UTP20: variants seen among roughly 807,000 people sequenced by gnomAD.
UTP20 encodes small subunit processome component 20 homolog.
Under a neutral mutation model 329.5 loss-of-function variants are expected in UTP20, and 164 were observed. That is an observed-to-expected ratio of 0.50 (90% CI 0.44 to 0.57). UTP20 has a LOEUF of 0.57. Ranked by LOEUF, UTP20 falls within the 20% of genes least tolerant of loss-of-function variation. UTP20 has a pLI of 0.00. For missense variants in UTP20, 3,055 were observed against 3,284.2 expected (o/e 0.93, Z 1.71); for synonymous variants, 1,151 against 1,159.3 (o/e 0.99, Z 0.14).
intron 29 of UTP20, among the ~76,000 whole-genome samples, chr12:101,335,223 T>C (rs1460125744): frequency 6.6e-6 from 1 of 151,356 alleles, no homozygotes; most frequent in Non-Finnish European, 1.5e-5. Context: ...ATAGGTAAAA[T>C]AACATCTTGC....
intron 25 of UTP20, 65 bp from the exon 26 acceptor site, chr12:101,327,016 G>T: frequency 4.7e-6 from 7 of 1,497,932 alleles, no homozygotes; most frequent in South Asian, 1.3e-5. Flanking sequence ...AGCCTTTTAG[G>T]CAAATAAAAC....
At position 101,365,071 on chromosome 12, in the gene UTP20, A is replaced by AG. The variant is rs1555202429; in HGVS notation, c.5959-388_5959-387insG. On this transcript the variant is annotated intron_variant, in intron 45 of 61. Transcript: ENST00000261637. ...TATGAGGAGTGAATACATTTTGTTG[A>AG]TTGTGTGTGTGTGTGTGTGTGTGTG... Among the ~76,000 whole-genome samples the AG allele has an allele frequency of 5.9e-3, 421 of 71,670 alleles. 3 individuals carry two copies. The highest frequency in any genetic ancestry group is 0.022 in the South Asian group (51 of 2,306). 47.0% of individuals were successfully genotyped at this position (71,670 alleles called of 152,430 possible). A position where few individuals can be genotyped will look rare whatever the true frequency, so the allele number is the denominator to read the frequency against.
chr12:101,285,484 A>T, intron 2 of UTP20, 86 bp from the exon 3 acceptor site: 1 of 1,396,544 alleles, frequency 7.2e-7, no homozygotes, highest in Non-Finnish European at 1.0e-6. Flanking sequence ...TCATTGTCTT[A>T]AGATATTAAT....
intron 36 of UTP20, 119 bp downstream of exon 36, chr12:101,344,869 G>T: frequency 1.4e-6 from 1 of 706,776 alleles, no homozygotes; most frequent in Non-Finnish European, 2.2e-6. Flanking sequence ...GAGAATACTT[G>T]GTTGAGTAAA....
At chr12:101,375,929 C>G (rs1870455518) in intron 56 of UTP20, among the ~76,000 whole-genome samples, 173 bp downstream of exon 56, 1 of 151,726 alleles carries the variant, frequency 6.6e-6, no homozygotes, top group South Asian at 2.1e-4. Flanking sequence ...AAAATGTTCC[C>G]TTCTGAAAAA....
chr12:101,294,731 C>T lies in UTP20; in HGVS notation c.1252-749C>T, dbSNP rs868242259. The stretch of plus-strand genomic sequence containing the variant: ...CTAATTTTTGTATTTTTAGTAGAGA[C>T]GGGGTTTTACCATGTTGGCCAGGCT... On this transcript the variant is annotated intron_variant, in intron 11 of 61. Coordinates refer to ENST00000261637, the MANE Select transcript of UTP20 (RefSeq NM_014503.3). Among the ~76,000 whole-genome samples the T allele has an allele frequency of 4.0e-5, 6 of 151,664 alleles. No individual in the cohort carries two copies. The South Asian group carries it at 6.3e-4, about 16-fold the overall frequency.
At chr12:101,336,041 A>G (rs912311284) in intron 29 of UTP20, among the ~76,000 whole-genome samples, 2 of 152,212 alleles carry the variant, frequency 1.3e-5, no homozygotes, top group African/African-American at 4.8e-5. Flanking sequence ...ATTGAGCCAC[A>G]TTGTTGGATG....
chr12:101,295,855 G>A (rs1226991909), intron 12 of UTP20, among the ~76,000 whole-genome samples, 197 bp downstream of exon 12: 2 of 41,422 alleles, frequency 4.8e-5, no homozygotes, highest in African/African-American at 2.8e-4. Context: ...AGCAAAAAGT[G>A]TGTATGAACA....
chr12:101,378,477 A>C (rs935180090), intron 56 of UTP20, among the ~76,000 whole-genome samples: 3 of 152,120 alleles, frequency 2.0e-5, no homozygotes, highest in African/African-American at 7.2e-5. Flanking sequence ...TAATCCCAGC[A>C]CTTTGGAAGG....
At chr12:101,371,335 G>C (rs1464577180) in intron 51 of UTP20, among the ~76,000 whole-genome samples, 167 bp downstream of exon 51, 4 of 151,938 alleles carry the variant, frequency 2.6e-5, no homozygotes, top group African/African-American at 4.8e-5. Context: ...CTTTTTCTGG[G>C]GACTGACAGG....
At chr12:101,303,607 G>A (rs1389216601) in intron 15 of UTP20, among the ~76,000 whole-genome samples, 1 of 152,146 alleles carries the variant, frequency 6.6e-6, no homozygotes, top group Admixed American at 6.6e-5. Flanking sequence ...CATCTTGGCT[G>A]AGCAGAGCAC....
chr12:101,353,222 C>A, intron 40 of UTP20, 93 bp downstream of exon 40: 1 of 771,674 alleles, frequency 1.3e-6, no homozygotes, highest in Non-Finnish European at 2.0e-6. Flanking sequence ...CAACTTATTC[C>A]CTTTGTCTGC....
In UTP20 at chr12:101,286,362, A is replaced by C; in HGVS notation, c.368A>C (p.Tyr123Ser). ...QLARDLQMDFYPHFPEFFLTI... is the reference protein window; with the variant it reads ...QLARDLQMDFSPHFPEFFLTI... ...GCACGAGATCTGCAGATGGATTTCT[A>C]CCCACACTTTCCAGAGTTTTTTTTG... The change falls in exon 5 of 62, where the codon TAC becomes TCC. Residue 123 changes from tyrosine to serine, a missense_variant. Around this residue, in one of 3 missense-constraint regions of UTP20, gnomAD observed 2,445 missense variants for 2,575.5 expected, o/e 0.95. Coordinates refer to ENST00000261637, the MANE Select transcript of UTP20 (RefSeq NM_014503.3). 6.2e-7 allele frequency: 1 copy of C among 1,613,608 alleles called. No homozygotes were observed. Among genetic ancestry groups the C allele is most frequent in the Non-Finnish European group, 8.5e-7 (1 of 1,179,794 alleles).
chr12:101,298,781 G>C (rs11110742), intron 12 of UTP20, among the ~76,000 whole-genome samples: 1 of 151,906 alleles, frequency 6.6e-6, no homozygotes, highest in Non-Finnish European at 1.5e-5. Flanking sequence ...AATTAACTTA[G>C]TTATCTATCA....
chr12:101,344,684 C>T lies in UTP20; in HGVS notation c.4539C>T (p.Asp1513=), dbSNP rs753077985. The T allele has an allele frequency of 1.8e-5, 29 of 1,610,298 alleles. No individual in the cohort carries two copies. Among genetic ancestry groups the T allele is most frequent in the Non-Finnish European group, 2.4e-5 (28 of 1,176,738 alleles). ...CTGCCTTGAATGTCACAGAGAAAGA[C>T]TATAGAGAAATCATCCACCGTTCAC... ...KLAALNVTEK[D]YREIIHRSLL... The change falls in exon 36 of 62, where the codon GAC becomes GAT. Residue 1513 remains aspartate, a synonymous_variant. Coordinates refer to ENST00000261637, the MANE Select transcript of UTP20 (RefSeq NM_014503.3).
chr12:101,298,337 C>T (rs1015464401), intron 12 of UTP20, among the ~76,000 whole-genome samples: 4 of 152,064 alleles, frequency 2.6e-5, no homozygotes, highest in Middle Eastern at 3.2e-3. Context: ...GGGTCACTTT[C>T]CAGAGAGGGA....
chr12:101,338,313 TCTG>T (rs1204944325), intron 30 of UTP20, 36 bp downstream of exon 30: 1 of 1,597,410 alleles, frequency 6.3e-7, no homozygotes, highest in South Asian at 1.1e-5. Flanking sequence ...TTCTTAGACT[TCTG>T]CTGTAGCAAT....
At chr12:101,314,729 A>G (rs1188584463) in intron 21 of UTP20, among the ~76,000 whole-genome samples, 4 of 151,960 alleles carry the variant, frequency 2.6e-5, no homozygotes, top group African/African-American at 9.7e-5. Context: ...TTTTTGTAGT[A>G]AAAAAGAAAC....
At chr12:101,352,584 T>C (rs933596604) in intron 39 of UTP20, among the ~76,000 whole-genome samples, 6 of 149,534 alleles carry the variant, frequency 4.0e-5, no homozygotes, top group African/African-American at 7.6e-5. Flanking sequence ...ACACCGCATA[T>C]TCTCACTCAT....
Sources: allele counts gnomAD v4.1 joint callset (sites outside exome capture counted in the v4.1 genomes callset), GRCh38; gene constraint gnomAD v4.1.1; regional missense constraint gnomAD v4.1.1; transcripts MANE v1.5; gene names NCBI Gene and HGNC (gene_info 2026-07-23, HGNC 2026-07-21).